Variants in LRP5 observed in about 807,000 individuals in gnomAD.
LRP5 encodes the protein LDL receptor related protein 5.
Under a neutral mutation model 154.1 loss-of-function variants are expected in LRP5, and 62 were observed. That is an observed-to-expected ratio of 0.40 (90% confidence interval 0.33 to 0.50). The LOEUF is 0.50. Among genes scored for constraint, LRP5 ranks in the 20% least tolerant of loss-of-function variants. The pLI, the probability that LRP5 is intolerant of heterozygous loss-of-function variation, is 0.55. For missense variants in LRP5, 1,915 were observed against 2,336.7 expected, an observed-to-expected ratio of 0.82 and a Z score of 3.72; for synonymous variants, 966 against 1,011.5, an observed-to-expected ratio of 0.96 and a Z score of 0.85.
At position 68,433,708 on chromosome 11, in the gene LRP5, C is replaced by T. The variant is rs749656764; in HGVS notation, c.3870C>T (p.Ser1290=). ...CDGFPECDDQ[S]DEEGCPVCSA... ...GCTTTCCCGAGTGCGATGACCAGAGCGACGAGGAGGGCTGCCCCGTGTGCT... is the reference window on the plus strand; with the variant it reads ...GCTTTCCCGAGTGCGATGACCAGAGTGACGAGGAGGGCTGCCCCGTGTGCT... The change falls in exon 18 of 23, where the codon AGC becomes AGT. Residue 1290 remains serine (S), a synonymous_variant. Coordinates refer to ENST00000294304, the MANE Select transcript of LRP5 (RefSeq NM_002335.4). 5.4e-5 allele frequency: 87 copies of T among 1,612,966 alleles called. No homozygotes were observed. Among genetic ancestry groups the T allele is most frequent in the Admixed American group, 4.8e-4 (29 of 60,010 alleles).
Position 68,423,421 on chromosome 11 carries a change from C to T in LRP5, c.3028-68C>T, listed in dbSNP as rs2098666949. 1 of 1,468,514 alleles carries T rather than the reference C, an allele frequency of 6.8e-7. No individual in the cohort carries two copies. Among genetic ancestry groups the T allele is most frequent in the African/African-American group, 1.4e-5 (1 of 71,858 alleles). The allele number at this position is 1,468,514 out of a possible 1,614,324, so 91.0% of individuals were successfully genotyped here. The stretch of plus-strand genomic sequence containing the variant: ...AGTGCCCGGGGGTCTCCGCCAGTGC[C>T]AGGGGTCTCCGCCAGTGCCCAGGGG... On this transcript the variant is annotated intron_variant, in intron 13 of 22. Transcript: ENST00000294304. The surrounding 1 kb of genome is among the most constrained non-coding windows in gnomAD (Gnocchi z 4.7).
In LRP5 at chr11:68,330,580, G is replaced by A. The variant is rs78456237; in HGVS notation, c.92-17267G>A. 9.9e-3 allele frequency among the ~76,000 whole-genome samples: 1,506 copies of A among 152,360 alleles called. 13 individuals carry two copies. The highest frequency in any genetic ancestry group is 0.024 in the Middle Eastern group (7 of 294). On this transcript the variant is annotated intron_variant, in intron 1 of 22. Coordinates refer to ENST00000294304, the MANE Select transcript of LRP5 (RefSeq NM_002335.4). ...TCTGGGAGGCAAGGACTTGCCTGGG[G>A]TCATTCTCATTCTGCACGGCACTAG...
chr11:68,300,466 C>T, the LRP5 span, among the ~76,000 whole-genome samples: 1 of 149,504 alleles, frequency 6.7e-6, no homozygotes, highest in African/African-American at 2.4e-5. Flanking sequence ...CATTTTGCTT[C>T]AAGTACTGAA....
intron 13 of LRP5, among the ~76,000 whole-genome samples, chr11:68,421,580 C>G (rs2098665631): frequency 6.6e-6 from 1 of 152,070 alleles, no homozygotes; most frequent in Non-Finnish European, 1.5e-5. Context: ...ACATGGCCCC[C>G]TAGGGTCCAC....
intron 2 of LRP5, 76 bp from the exon 3 acceptor site, chr11:68,357,574 C>G: frequency 1.5e-6 from 2 of 1,319,210 alleles, no homozygotes; most frequent in Non-Finnish European, 2.2e-6. Context: ...TCTGTTGTTT[C>G]ATGTCTGCAT....
rs145813593 is a variant in LRP5 at position 68,416,296 on chromosome 11, C to T, written c.2828-32C>T. ...CCAGCTCCTCTGTGGCTTACAGACA[C>T]CCACCTGCAGCCCTGTCTTTGCCTC... On this transcript the variant is annotated intron_variant, in intron 12 of 22. Transcript: ENST00000294304. The T allele has an allele frequency of 1.3e-4, 206 of 1,599,368 alleles. 2 individuals are homozygous for T. The African/African-American group carries it at 2.1e-3, about 16-fold the overall frequency.
chr11:68,397,972 TTGTGTGTGTGTGTG>T (rs113280059), intron 7 of LRP5, among the ~76,000 whole-genome samples: 16 of 142,192 alleles, frequency 1.1e-4, no homozygotes, highest in African/African-American at 4.1e-4. Flanking sequence ...CTGTGTGTGT[TTGTGTGTGTGTGTG>T]TGTGTGTGTG....
chr11:68,416,027 C>T (rs912255688), intron 12 of LRP5, among the ~76,000 whole-genome samples: 3 of 151,350 alleles, frequency 2.0e-5, no homozygotes, highest in African/African-American at 7.3e-5. Context: ...TGCAGTCCAG[C>T]GTGGGCAACA....
In LRP5 at chr11:68,423,855, C is replaced by T. The variant is rs902104939; in HGVS notation, c.3236+158C>T. On this transcript the variant is annotated intron_variant, in intron 14 of 22. Transcript: ENST00000294304. This position sits in a 1 kb window ranked among gnomAD's most constrained non-coding sequence, Gnocchi z 4.7. ...CCAAAAGCAAACACAGGCTCTTTCA[C>T]AGCCCCTCCAGGAAAGCAGAAAGCC... Among the ~76,000 whole-genome samples, 1 of 152,240 alleles carries T rather than the reference C, an allele frequency of 6.6e-6. No individual in the cohort carries two copies. The highest frequency in any genetic ancestry group is 2.4e-5 in the African/African-American group (1 of 41,460).
At chr11:68,356,232 C>T (rs2098623129) in intron 2 of LRP5, among the ~76,000 whole-genome samples, 1 of 151,240 alleles carries the variant, frequency 6.6e-6, no homozygotes, top group Admixed American at 6.6e-5. Flanking sequence ...GCCTCGACCT[C>T]CCAGGGCTGA....
At chr11:68,441,984 C>G (rs1291660090) in intron 21 of LRP5, among the ~76,000 whole-genome samples, 1 of 152,226 alleles carries the variant, frequency 6.6e-6, no homozygotes, top group Non-Finnish European at 1.5e-5. Flanking sequence ...TCCAAAGAGA[C>G]TCCGCCCCCA....
At chr11:68,355,126 GC>G (rs1377179863) in intron 2 of LRP5, among the ~76,000 whole-genome samples, 3 of 152,190 alleles carry the variant, frequency 2.0e-5, no homozygotes. Context: ...GGCCCTTGGT[GC>G]ACCTGAGGCT....
chr11:68,445,700 TG>T, intron 21 of LRP5: 1 of 1,306,480 alleles, frequency 7.7e-7, no homozygotes, highest in Non-Finnish European at 1.0e-6. Flanking sequence ...CAGACCTGTG[TG>T]GGTGTGTGGG....
intron 13 of LRP5, among the ~76,000 whole-genome samples, chr11:68,421,975 TG>T (rs1441363264): frequency 6.6e-6 from 1 of 152,118 alleles, no homozygotes; most frequent in African/African-American, 2.4e-5. Flanking sequence ...TCACCCAGGC[TG>T]GGGTATGGTG....
chr11:68,361,305 A>C (rs937104986), intron 3 of LRP5, among the ~76,000 whole-genome samples: 5 of 136,852 alleles, frequency 3.7e-5, no homozygotes, highest in Admixed American at 7.0e-5. Flanking sequence ...ACTCTGTCTC[A>C]AAAAAAAAAA....
chr11:68,319,790 C>T (rs573270127), intron 1 of LRP5, among the ~76,000 whole-genome samples: 61 of 152,268 alleles, frequency 4.0e-4, no homozygotes, highest in African/African-American at 1.4e-3. Context: ...CATGCTTGCT[C>T]GTGTGTCTCT....
intron 17 of LRP5, among the ~76,000 whole-genome samples, chr11:68,430,459 A>C (rs942661083): frequency 4.6e-5 from 7 of 152,228 alleles, no homozygotes; most frequent in Non-Finnish European, 8.8e-5. Context: ...GGCGTGAGCC[A>C]CTGTGCCTGG....
At chr11:68,419,147 A>G (rs1214562514) in intron 13 of LRP5, among the ~76,000 whole-genome samples, 2 of 152,146 alleles carry the variant, frequency 1.3e-5, no homozygotes, top group East Asian at 1.9e-4. Context: ...TTATCATCCA[A>G]TTGGCCGAGG....
chr11:68,415,274 C>T (rs1486291510), intron 12 of LRP5, among the ~76,000 whole-genome samples: 1 of 152,144 alleles, frequency 6.6e-6, no homozygotes, highest in Non-Finnish European at 1.5e-5. Flanking sequence ...CACTGACACC[C>T]TCGAGGAGTG....
Sources: gnomAD v4.1 joint callset for allele counts (sites outside exome capture counted in the v4.1 genomes callset) on GRCh38, gnomAD v4.1.1 for gene constraint, Gnocchi (gnomAD v3.1) non-coding constraint, MANE v1.5 for transcripts, NCBI Gene and HGNC (gene_info 2026-07-23, HGNC 2026-07-21) for gene names.